Variants in CACNA2D3 observed in about 807,000 individuals in gnomAD.
The protein encoded by CACNA2D3 is voltage-dependent calcium channel subunit alpha-2/delta-3.
A neutral mutation model predicts 160.6 loss-of-function variants in CACNA2D3; 60 were observed. The ratio of observed to expected loss-of-function variants is 0.37; its 90% CI spans 0.30 to 0.46. The LOEUF (loss-of-function observed/expected upper bound fraction) is 0.46. Ranked by LOEUF, CACNA2D3 falls within the 20% of genes least tolerant of loss-of-function variation. The probability of loss-of-function intolerance (pLI) is 1.00; values close to 1 mark genes in which losing one functional copy is unlikely to be tolerated. For synonymous variants in CACNA2D3, 558 were observed against 492.9 expected (o/e 1.13, Z -1.75); for missense variants, 1,205 against 1,365.0 (o/e 0.88, Z 1.85).
intron 31 of CACNA2D3, among the ~76,000 whole-genome samples, chr3:54,999,301 A>T (rs909734714): frequency 6.6e-6 from 1 of 152,166 alleles, no homozygotes; most frequent in Non-Finnish European, 1.5e-5. Flanking sequence ...CTGAGATGTA[A>T]GAATGAGTAA....
intron 27 of CACNA2D3, among the ~76,000 whole-genome samples, chr3:54,919,210 T>G (rs1271641247): frequency 6.6e-6 from 1 of 152,196 alleles, no homozygotes; most frequent in Admixed American, 6.5e-5. Context: ...GGGCCGATGG[T>G]GAGGGCACAG....
intron 2 of CACNA2D3, among the ~76,000 whole-genome samples, chr3:54,215,444 G>A (rs962862564): frequency 4.6e-5 from 7 of 152,114 alleles, no homozygotes; most frequent in South Asian, 2.1e-4. Context: ...TGTGTTCGTC[G>A]TAACTGAAAC....
At chr3:54,674,989 C>T (rs765514452) in intron 11 of CACNA2D3, among the ~76,000 whole-genome samples, 7 of 151,994 alleles carry the variant, frequency 4.6e-5, no homozygotes, top group Non-Finnish European at 7.4e-5. Flanking sequence ...GCCAGTGAGC[C>T]CAATGCTGAA....
intron 4 of CACNA2D3, among the ~76,000 whole-genome samples, chr3:54,409,524 C>G (rs180933604): frequency 6.6e-6 from 1 of 152,282 alleles, no homozygotes; most frequent in East Asian, 1.9e-4. Context: ...ATGTCTCTCA[C>G]TTTAAATCAA....
intron 5 of CACNA2D3, among the ~76,000 whole-genome samples, chr3:54,562,552 G>A (rs1702343207): frequency 6.6e-6 from 1 of 152,206 alleles, no homozygotes; most frequent in Admixed American, 6.5e-5. Context: ...ACAAATAAAA[G>A]GAAGTGTCTT....
chr3:54,636,631 C>T (rs932909931), intron 10 of CACNA2D3, among the ~76,000 whole-genome samples: 1 of 152,000 alleles, frequency 6.6e-6, no homozygotes, highest in Non-Finnish European at 1.5e-5. Context: ...GACAGAAAGG[C>T]TACAGGGTGT....
chr3:54,890,851 A>C (rs879799648), intron 24 of CACNA2D3, among the ~76,000 whole-genome samples: 4 of 152,148 alleles, frequency 2.6e-5, no homozygotes, highest in Non-Finnish European at 5.9e-5. Context: ...ACCAATTCCA[A>C]CTACGTGGAA....
chr3:54,820,356 T>C lies in CACNA2D3; in HGVS notation c.1398+3486T>C, dbSNP rs1703563218. 2.6e-5 allele frequency among the ~76,000 whole-genome samples: 4 copies of C among 152,244 alleles called. No individual in the cohort carries two copies. In the South Asian group the frequency reaches 8.3e-4, roughly 31 times the overall value. On this transcript the variant is annotated intron_variant, in intron 14 of 37. Transcript: ENST00000474759. ...ATTAATGACTGTTGTCTGTAAGTTA[T>C]GGTTTTCATGATTCTAATATTTTGA...
At chr3:54,319,210 G>T (rs889405452) in intron 2 of CACNA2D3, among the ~76,000 whole-genome samples, 1 of 138,880 alleles carries the variant, frequency 7.2e-6, no homozygotes, top group Non-Finnish European at 1.6e-5. Context: ...ACCCTTCCTC[G>T]AGTCAAGGAG....
chr3:55,027,670 T>C (rs781566203), intron 35 of CACNA2D3, among the ~76,000 whole-genome samples: 1 of 152,208 alleles, frequency 6.6e-6, no homozygotes, highest in South Asian at 2.1e-4. Flanking sequence ...CATTCAAAAA[T>C]AACACAATTC....
At chr3:54,228,331 C>T (rs373630056) in intron 2 of CACNA2D3, among the ~76,000 whole-genome samples, 9 of 152,108 alleles carry the variant, frequency 5.9e-5, no homozygotes, top group Non-Finnish European at 8.8e-5. Flanking sequence ...ATCTAACCTC[C>T]GAGTGAGTTT....
intron 5 of CACNA2D3, among the ~76,000 whole-genome samples, chr3:54,553,737 G>C (rs1702195931): frequency 6.6e-6 from 1 of 152,138 alleles, no homozygotes; most frequent in African/African-American, 2.4e-5. Flanking sequence ...GAGAATAAAT[G>C]GTATTGGGGA....
Position 54,969,792 on chromosome 3 carries a change from C to T in CACNA2D3, c.2512-8C>T. 1 of 1,611,082 alleles carries T rather than the reference C, an allele frequency of 6.2e-7. No individual in the cohort carries two copies. On this transcript the variant is annotated splice_region_variant and splice_polypyrimidine_tract_variant and intron_variant, in intron 28 of 37. Transcript: ENST00000474759. ...TAACACATTTCCCTCCACTTTTTGC[C>T]TTCACAGTGTGCTTCCCTGGATGGC...
At chr3:54,551,261 G>A (rs751984690) in intron 5 of CACNA2D3, among the ~76,000 whole-genome samples, 15 of 152,112 alleles carry the variant, frequency 9.9e-5, no homozygotes, top group Non-Finnish European at 1.9e-4. Context: ...CCAATGAGCT[G>A]TGCACTCCAC....
intron 13 of CACNA2D3, among the ~76,000 whole-genome samples, chr3:54,815,970 G>T (rs539206047): frequency 1.3e-5 from 2 of 152,198 alleles, no homozygotes; most frequent in African/African-American, 4.8e-5. Flanking sequence ...TATAATGGCA[G>T]TCATAATACT....
intron 11 of CACNA2D3, among the ~76,000 whole-genome samples, chr3:54,656,892 T>A (rs1255142010): frequency 6.6e-6 from 1 of 152,172 alleles, no homozygotes; most frequent in Non-Finnish European, 1.5e-5. Context: ...CATGTTATGA[T>A]CACAGTTTCA....
chr3:54,579,428 C>T (rs926850583), intron 8 of CACNA2D3, among the ~76,000 whole-genome samples: 5 of 152,102 alleles, frequency 3.3e-5, no homozygotes, highest in African/African-American at 1.2e-4. Context: ...AATAGCATCC[C>T]AAGCAGGAAG....
intron 35 of CACNA2D3, among the ~76,000 whole-genome samples, chr3:55,065,279 A>AT (rs944451413): frequency 6.6e-6 from 1 of 152,034 alleles, no homozygotes; most frequent in Non-Finnish European, 1.5e-5. Context: ...TCAAGTGGGG[A>AT]TTTTTTGTAG....
At chr3:54,619,683 T>C (rs1698939276) in intron 9 of CACNA2D3, among the ~76,000 whole-genome samples, 1 of 152,222 alleles carries the variant, frequency 6.6e-6, no homozygotes, top group Non-Finnish European at 1.5e-5. Context: ...CATTCTGTTT[T>C]CTTCTTTGAG....
Sources: allele counts gnomAD v4.1 joint callset (sites outside exome capture counted in the v4.1 genomes callset), GRCh38; gene constraint gnomAD v4.1.1; transcripts MANE v1.5; gene names NCBI Gene and HGNC (gene_info 2026-07-23, HGNC 2026-07-21).